Variants in MYT1L observed in about 807,000 individuals in gnomAD.
MYT1L encodes the protein myelin transcription factor 1 like, also known as myelin transcription factor 1-like protein.
In MYT1L, 12 loss-of-function variants were observed where a neutral mutation model predicts 126.7. The ratio of observed to expected loss-of-function variants is 0.09; its 90% CI spans 0.06 to 0.15. The LOEUF (loss-of-function observed/expected upper bound fraction) is 0.15, where lower values mean the gene tolerates loss of function less well. MYT1L is among the 10% of genes least tolerant of loss of function. The pLI is 1.00. For missense variants in MYT1L, 979 were observed against 1,585.2 expected (o/e 0.62, Z 6.49); for synonymous variants, 541 against 604.2 (o/e 0.90, Z 1.53).
intron 1 of MYT1L, among the ~76,000 whole-genome samples, chr2:2,306,535 C>T (rs780744765): frequency 6.6e-6 from 1 of 152,092 alleles, no homozygotes; most frequent in Non-Finnish European, 1.5e-5. Flanking sequence ...GTCCTAAGGG[C>T]CTTGGGAATA....
At chr2:2,181,733 C>A (rs2091556711) in intron 2 of MYT1L, among the ~76,000 whole-genome samples, 1 of 152,276 alleles carries the variant, frequency 6.6e-6, no homozygotes, top group East Asian at 1.9e-4. Context: ...ACACAGCAAC[C>A]ACAGGAGGGT....
At chr2:1,833,994 G>A (rs1006021704) in intron 21 of MYT1L, among the ~76,000 whole-genome samples, 4 of 152,216 alleles carry the variant, frequency 2.6e-5, no homozygotes, top group African/African-American at 9.7e-5. Flanking sequence ...AGTGGGCTGG[G>A]CATGTGAGCA....
At chr2:2,259,849 C>G (rs2094918528) in intron 2 of MYT1L, among the ~76,000 whole-genome samples, 1 of 152,076 alleles carries the variant, frequency 6.6e-6, no homozygotes, top group South Asian at 2.1e-4. Flanking sequence ...TTCCCGAGCT[C>G]CAGTTTATTT....
intron 1 of MYT1L, among the ~76,000 whole-genome samples, chr2:2,298,457 T>C (rs575820909): frequency 1.3e-5 from 2 of 152,300 alleles, no homozygotes; most frequent in East Asian, 3.9e-4. Context: ...GGCTTTACAA[T>C]AATAATCTAC....
At chr2:1,964,362 G>T (rs2059175911) in intron 8 of MYT1L, among the ~76,000 whole-genome samples, 1 of 152,194 alleles carries the variant, frequency 6.6e-6, no homozygotes, top group Admixed American at 6.5e-5. Context: ...GAGAATTATT[G>T]AAACGTGGTA....
chr2:1,861,897 A>ACAGCCTGTGTAATCCTAGATCTGCCTG (rs2044699954), intron 18 of MYT1L, among the ~76,000 whole-genome samples: 2 of 4,364 alleles, frequency 4.6e-4, no homozygotes, highest in Admixed American at 2.2e-3. Flanking sequence ...GGATCCTCCT[A>ACAGCCTGTGTAATCCTAGATCTGCCTG]CAGCCTGTGT....
chr2:2,014,949 T>G (rs1406395037), intron 4 of MYT1L, among the ~76,000 whole-genome samples: 1 of 152,130 alleles, frequency 6.6e-6, no homozygotes, highest in Non-Finnish European at 1.5e-5. Flanking sequence ...ATATTTGGAC[T>G]TTTTTTTCTC....
At chr2:2,027,119 C>T (rs545769553) in intron 4 of MYT1L, among the ~76,000 whole-genome samples, 6 of 152,332 alleles carry the variant, frequency 3.9e-5, no homozygotes, top group South Asian at 4.1e-4. Context: ...AACCCCCCAT[C>T]GCCGCTGCCG....
chr2:1,941,368 C>A (rs571910442), intron 9 of MYT1L, among the ~76,000 whole-genome samples: 12 of 152,296 alleles, frequency 7.9e-5, no homozygotes, highest in African/African-American at 2.9e-4. Flanking sequence ...AAGCCCTGGG[C>A]AAGTTACAAA....
intron 21 of MYT1L, among the ~76,000 whole-genome samples, chr2:1,835,789 C>T (rs558810860): frequency 6.6e-6 from 1 of 152,288 alleles, no homozygotes; most frequent in East Asian, 1.9e-4. Context: ...TCTGATGGTG[C>T]CTTTTAGTAA....
chr2:2,310,399 C>G (rs111550426), intron 1 of MYT1L, among the ~76,000 whole-genome samples: 4,511 of 152,190 alleles, frequency 0.03, 128 homozygotes, highest in South Asian at 0.11. Flanking sequence ...CTTCAGTATA[C>G]TTTATCTATA....
intron 8 of MYT1L, among the ~76,000 whole-genome samples, chr2:1,969,831 A>G (rs2059674643): frequency 6.6e-6 from 1 of 152,148 alleles, no homozygotes; most frequent in Non-Finnish European, 1.5e-5. Context: ...GTGCAGGAGG[A>G]TGGAGCAGAA....
intron 18 of MYT1L, among the ~76,000 whole-genome samples, chr2:1,868,495 A>T (rs1466869077): frequency 6.6e-6 from 1 of 152,202 alleles, no homozygotes; most frequent in East Asian, 1.9e-4. Context: ...TTAGAGGATG[A>T]GAGGCTTGCA....
At chr2:2,293,082 C>T (rs965975957) in intron 1 of MYT1L, among the ~76,000 whole-genome samples, 4 of 152,186 alleles carry the variant, frequency 2.6e-5, no homozygotes, top group Non-Finnish European at 5.9e-5. Context: ...GGGGCCAAGA[C>T]AGCCACCCTG....
intron 1 of MYT1L, among the ~76,000 whole-genome samples, chr2:2,311,254 C>A (rs1277854341): frequency 1.3e-5 from 2 of 152,246 alleles, no homozygotes; most frequent in Admixed American, 6.5e-5. Context: ...AGAATTAAGA[C>A]ACGAACCATG....
At chr2:2,120,614 G>A (rs1415517895) in intron 3 of MYT1L, among the ~76,000 whole-genome samples, 1 of 151,918 alleles carries the variant, frequency 6.6e-6, no homozygotes, top group Admixed American at 6.6e-5. Flanking sequence ...TGAAGCTAAG[G>A]GGAGTCATGC....
chr2:2,065,848 G>GCACACACA (rs10678486), intron 3 of MYT1L, among the ~76,000 whole-genome samples: 5 of 135,324 alleles, frequency 3.7e-5, no homozygotes, highest in African/African-American at 1.4e-4. Flanking sequence ...ACACACACAC[G>GCACACACA]CACACACACA....
chr2:1,808,726 C>T (rs571468695), intron 22 of MYT1L, among the ~76,000 whole-genome samples: 2 of 152,162 alleles, frequency 1.3e-5, no homozygotes, highest in Admixed American at 1.3e-4. Flanking sequence ...CTGGGGTGGC[C>T]CCAAAGCTGC....
intron 3 of MYT1L, among the ~76,000 whole-genome samples, chr2:2,078,176 GA>G (rs956646747): frequency 4.6e-5 from 7 of 151,886 alleles, no homozygotes; most frequent in African/African-American, 1.7e-4. Flanking sequence ...TAATGAGAGA[GA>G]AAAATTAAAA....
Sources: allele counts gnomAD v4.1 joint callset (sites outside exome capture counted in the v4.1 genomes callset), GRCh38; gene constraint gnomAD v4.1.1; transcripts MANE v1.5; gene names NCBI Gene and HGNC (gene_info 2026-07-23, HGNC 2026-07-21).